Variants in AXL observed in about 807,000 individuals in gnomAD.
AXL encodes tyrosine-protein kinase receptor UFO.
A neutral mutation model predicts 104.5 loss-of-function variants in AXL; 52 were observed. The observed-to-expected ratio is 0.50, with a 90% CI of 0.40 to 0.63. The LOEUF is 0.63. Ranked by LOEUF, AXL falls within the 20% of genes least tolerant of loss-of-function variation. The pLI is 0.00. For missense variants in AXL, 1,024 were observed against 1,188.5 expected (o/e 0.86, Z 2.04); for synonymous variants, 455 against 473.7 (o/e 0.96, Z 0.51).
intron 10 of AXL, 115 bp from the exon 11 acceptor site, chr19:41,242,768 A>G (rs1808145686): frequency 1.5e-6 from 2 of 1,351,742 alleles, no homozygotes; most frequent in African/African-American, 1.4e-5. Context: ...CACCTCATCA[A>G]GTATGTGCAC....
At chr19:41,253,270 T>C (rs1424383851) in intron 16 of AXL, among the ~76,000 whole-genome samples, 1 of 151,902 alleles carries the variant, frequency 6.6e-6, no homozygotes, top group Non-Finnish European at 1.5e-5. Flanking sequence ...GCTGGGGAGA[T>C]GTCTGGAGAT....
At chr19:41,237,915 C>G (rs768649416) in intron 6 of AXL, 29 bp from the exon 7 acceptor site, 1 of 1,601,366 alleles carries the variant, frequency 6.2e-7, no homozygotes, top group South Asian at 1.1e-5. Context: ...GCTTGGCTGT[C>G]CCGTCCTCAC....
intron 6 of AXL, among the ~76,000 whole-genome samples, chr19:41,233,065 T>C (rs1424601236): frequency 2.6e-5 from 4 of 151,944 alleles, no homozygotes; most frequent in South Asian, 2.1e-4. Flanking sequence ...TCACGGCTTA[T>C]TGCAACCTCC....
At chr19:41,239,444 C>T in intron 9 of AXL, 130 bp downstream of exon 9, 1 of 1,349,126 alleles carries the variant, frequency 7.4e-7, no homozygotes. Flanking sequence ...TGAGAGCTGC[C>T]CTCACTCCCT....
rs762571052 is a variant in AXL, at chr19:41,238,164, G to A, written c.994+10G>A. On this transcript the variant is annotated intron_variant, in intron 7 of 19. Transcript: ENST00000301178. ...GAGACGCCGGAGGGAGGTAAGAAGG[G>A]TTGGGGAGGGACACGTCACCACTGC... is the stretch of plus-strand genomic sequence containing the variant. 1 of 1,613,726 alleles carries A rather than the reference G, an allele frequency of 6.2e-7. No homozygotes were observed. Among genetic ancestry groups the A allele is most frequent in the Non-Finnish European group, 8.5e-7 (1 of 1,179,796 alleles).
chr19:41,226,095 C>G (rs2122208441), intron 4 of AXL, among the ~76,000 whole-genome samples: 1 of 152,344 alleles, frequency 6.6e-6, no homozygotes, highest in South Asian at 2.1e-4. Context: ...CCCCTTCACT[C>G]AAGGTGCGGC....
intron 4 of AXL, among the ~76,000 whole-genome samples, chr19:41,228,793 T>G (rs2122214189): frequency 6.6e-6 from 1 of 152,094 alleles, no homozygotes; most frequent in East Asian, 1.9e-4. Context: ...TGGGAGAAAC[T>G]GACAATGGGC....
At chr19:41,229,030 G>C (rs1482871220) in intron 4 of AXL, among the ~76,000 whole-genome samples, 2 of 150,938 alleles carry the variant, frequency 1.3e-5, no homozygotes, top group Non-Finnish European at 2.9e-5. Flanking sequence ...GCTCACTGCA[G>C]CCTCTGCCTC....
intron 14 of AXL, 129 bp from the exon 15 acceptor site, chr19:41,252,222 C>G (rs2034376041): frequency 1.4e-6 from 1 of 728,352 alleles, no homozygotes; most frequent in African/African-American, 1.7e-5. Flanking sequence ...GAGTATGGTG[C>G]CTGGTACTTA....
intron 3 of AXL, 24 bp from the exon 4 acceptor site, chr19:41,221,856 C>T (rs2122198241): frequency 1.2e-6 from 2 of 1,611,094 alleles, no homozygotes; most frequent in South Asian, 1.1e-5. Context: ...GGACCCCAGC[C>T]TCTACCACTG....
chr19:41,259,488 G>A, intron 19 of AXL, 65 bp from the exon 20 acceptor site: 3 of 1,418,254 alleles, frequency 2.1e-6, no homozygotes, highest in Non-Finnish European at 2.9e-6. Context: ...AATGTCCCCA[G>A]GCTTCCAGAA....
At position 41,256,461 on chromosome 19, in the gene AXL, G is replaced by T. The variant is rs200876332; in HGVS notation, c.2046G>T (p.Glu682Asp). The T allele has an allele frequency of 2.2e-5, 36 of 1,613,628 alleles. No individual in the cohort carries two copies. The highest frequency in any genetic ancestry group is 1.7e-4 in the Admixed American group (10 of 60,014). ...DLAARNCMLNENMSVCVADFG... is the reference protein window; with the variant it reads ...DLAARNCMLNDNMSVCVADFG... Reference sequence around the variant, plus strand: ...TCCCCAATCCAAACAGGCTGAATGAGAACATGTCCGTGTGTGTGGCGGACT... The same window carrying T: ...TCCCCAATCCAAACAGGCTGAATGATAACATGTCCGTGTGTGTGGCGGACT... Residue 682 changes from glutamate (E) to aspartate (D), a missense_variant, in exon 18 of 20, where the codon GAG (glutamate) becomes GAT (aspartate). Around this residue, in one of 5 missense-constraint regions of AXL, gnomAD observed 523 missense variants for 636.0 expected, o/e 0.82. Transcript: ENST00000301178.
chr19:41,231,070 A>G (rs2122219297), intron 5 of AXL, 23 bp downstream of exon 5: 1 of 1,613,340 alleles, frequency 6.2e-7, no homozygotes, highest in South Asian at 1.1e-5. Context: ...GGAGGTGGGG[A>G]GCTGGGCGTC....
intron 15 of AXL, 125 bp downstream of exon 15, chr19:41,252,568 C>T (rs1045321061): frequency 1.7e-6 from 2 of 1,153,708 alleles, no homozygotes; most frequent in African/African-American, 1.5e-5. Context: ...CCTTCAGGGT[C>T]AGCAGGCTTC....
At chr19:41,242,258 C>T (rs1393906293) in intron 10 of AXL, among the ~76,000 whole-genome samples, 1 of 151,538 alleles carries the variant, frequency 6.6e-6, no homozygotes, top group Non-Finnish European at 1.5e-5. Flanking sequence ...AGACTTGAAC[C>T]CTGAACCCTC....
At chr19:41,252,316 C>G (rs764945122) in intron 14 of AXL, 35 bp from the exon 15 acceptor site, 2 of 1,579,988 alleles carry the variant, frequency 1.3e-6, no homozygotes, top group Non-Finnish European at 1.7e-6. Flanking sequence ...TCCCTCTCCT[C>G]CCCTCCTCCT....
At chr19:41,254,461 G>C (rs2034422254) in intron 17 of AXL, among the ~76,000 whole-genome samples, 1 of 151,722 alleles carries the variant, frequency 6.6e-6, no homozygotes, top group African/African-American at 2.4e-5. Flanking sequence ...CCAAGGCTTA[G>C]GTGAGAGGAT....
intron 6 of AXL, among the ~76,000 whole-genome samples, chr19:41,234,250 A>T (rs1468338375): frequency 1.3e-5 from 2 of 152,128 alleles, no homozygotes; most frequent in African/African-American, 4.8e-5. Context: ...TTGACCCCAT[A>T]GGGTGGTAGT....
intron 10 of AXL, among the ~76,000 whole-genome samples, chr19:41,242,330 T>TC (rs1261292288): frequency 7.2e-6 from 1 of 139,384 alleles, no homozygotes; most frequent in East Asian, 2.1e-4. Flanking sequence ...TTTTTTTTTT[T>TC]TTTTTTTTTT....
Sources: allele counts gnomAD v4.1 joint callset (sites outside exome capture counted in the v4.1 genomes callset), GRCh38; gene constraint gnomAD v4.1.1; regional missense constraint gnomAD v4.1.1; transcripts MANE v1.5; gene names NCBI Gene and HGNC (gene_info 2026-07-23, HGNC 2026-07-21).